The following TYW1B variants were observed in gnomAD, a reference collection of about 807,000 sequenced individuals.
TYW1B encodes S-adenosyl-L-methionine-dependent tRNA 4-demethylwyosine synthase TYW1B.
TYW1B carries 73 observed loss-of-function variants against 86.9 expected under a neutral mutation model. That is an observed-to-expected ratio of 0.84 (90% CI 0.70 to 1.02). The LOEUF (loss-of-function observed/expected upper bound fraction) is 1.02. Ranked by LOEUF, TYW1B falls within the 50% of genes least tolerant of loss-of-function variation. The probability of loss-of-function intolerance (pLI) is 0.00; values close to 1 mark genes in which losing one functional copy is unlikely to be tolerated. For synonymous variants in TYW1B, 248 were observed against 292.8 expected (o/e 0.85, Z 1.56); for missense variants, 637 against 827.4 (o/e 0.77, Z 2.82).
At chr7:72,813,178 T>G (rs1788655936) in intron 3 of TYW1B, among the ~76,000 whole-genome samples, 1 of 149,978 alleles carries the variant, frequency 6.7e-6, no homozygotes, top group African/African-American at 2.4e-5. Flanking sequence ...CTTCTTTTTT[T>G]TTTTTTTTTT....
intron 4 of TYW1B, among the ~76,000 whole-genome samples, chr7:72,808,698 TGTATTTTTA>T (rs1282198178): frequency 6.6e-6 from 1 of 151,934 alleles, no homozygotes; most frequent in Non-Finnish European, 1.5e-5. Context: ...CGGCTAATTT[TGTATTTTTA>T]GTACAGACAG....
At chr7:72,678,830 C>T (rs117829997) in intron 11 of TYW1B, among the ~76,000 whole-genome samples, 1 of 151,866 alleles carries the variant, frequency 6.6e-6, no homozygotes, top group Admixed American at 6.6e-5. Flanking sequence ...TATAAGCCAA[C>T]GTGCCCGGAC....
chr7:72,783,190 G>A (rs1554471911), intron 6 of TYW1B, among the ~76,000 whole-genome samples: 1 of 152,084 alleles, frequency 6.6e-6, no homozygotes, highest in Admixed American at 6.6e-5. Context: ...CTTGAGGTCA[G>A]GAGTTCGAGA....
intron 7 of TYW1B, among the ~76,000 whole-genome samples, chr7:72,762,360 T>C (rs1787699300): frequency 6.6e-6 from 1 of 152,186 alleles, no homozygotes; most frequent in African/African-American, 2.4e-5. Flanking sequence ...CATTGCCTTC[T>C]GTTCTTTCTC....
At chr7:72,660,945 T>C (rs1813313544) in intron 11 of TYW1B, among the ~76,000 whole-genome samples, 1 of 151,380 alleles carries the variant, frequency 6.6e-6, no homozygotes, top group African/African-American at 2.4e-5. Flanking sequence ...AAGACCAGCC[T>C]GGCCAACATG....
chr7:72,798,650 G>A, intron 6 of TYW1B, among the ~76,000 whole-genome samples: 1 of 152,072 alleles, frequency 6.6e-6, no homozygotes, highest in Non-Finnish European at 1.5e-5. Context: ...TGGGCCTGCT[G>A]GATCATGGAT....
At chr7:72,726,461 C>T (rs1480769462) in intron 9 of TYW1B, among the ~76,000 whole-genome samples, 1 of 151,320 alleles carries the variant, frequency 6.6e-6, no homozygotes, top group Non-Finnish European at 1.5e-5. Context: ...CTCCCGGGTT[C>T]AAGCGATTCT....
chr7:72,691,868 T>C (rs1477394082), intron 11 of TYW1B, among the ~76,000 whole-genome samples: 3 of 152,004 alleles, frequency 2.0e-5, no homozygotes, highest in Non-Finnish European at 4.4e-5. Context: ...GTAAAACACA[T>C]ATAGTACTTT....
chr7:72,705,587 A>T (rs187635710), intron 10 of TYW1B, among the ~76,000 whole-genome samples: 2 of 152,328 alleles, frequency 1.3e-5, no homozygotes, highest in East Asian at 3.9e-4. Context: ...TTCTAAATGT[A>T]AATTTTAAAA....
chr7:72,741,393 T>A (rs545918975), intron 8 of TYW1B, among the ~76,000 whole-genome samples: 2 of 151,956 alleles, frequency 1.3e-5, no homozygotes, highest in Non-Finnish European at 2.9e-5. Flanking sequence ...CTCAGTGAAG[T>A]GGAAGACAAA....
intron 13 of TYW1B, among the ~76,000 whole-genome samples, chr7:72,607,780 A>T (rs1375652166): frequency 1.3e-5 from 2 of 152,150 alleles, no homozygotes; most frequent in African/African-American, 4.8e-5. Context: ...ATGAGGCTGA[A>T]AAAAGTATCT....
chr7:72,779,027 C>T (rs1554471159), intron 6 of TYW1B, among the ~76,000 whole-genome samples: 1 of 151,980 alleles, frequency 6.6e-6, no homozygotes, highest in Admixed American at 6.6e-5. Context: ...AGACAACACA[C>T]GAGATCTGTG....
At chr7:72,628,173 C>T (rs1585859498) in intron 12 of TYW1B, among the ~76,000 whole-genome samples, 1 of 152,124 alleles carries the variant, frequency 6.6e-6, no homozygotes, top group Non-Finnish European at 1.5e-5. Flanking sequence ...GTCCCAGCTA[C>T]TCAGGAGGCT....
chr7:72,802,525 G>T lies in TYW1B; in HGVS notation c.724-3C>A, dbSNP rs1315128078. The T allele has an allele frequency of 1.2e-6, 2 of 1,613,498 alleles. No individual in the cohort carries two copies. The highest frequency in any genetic ancestry group is 2.2e-5 in the East Asian group (1 of 44,868). Reference sequence around the variant, plus strand: ...GAGCTCTCGAAGGGTTCTTCCTCCTGGAAGAGAAATGCTTCAGAAATACAT... The same window carrying T: ...GAGCTCTCGAAGGGTTCTTCCTCCTTGAAGAGAAATGCTTCAGAAATACAT... On this transcript the variant is annotated splice_polypyrimidine_tract_variant and splice_region_variant and intron_variant, in intron 5 of 13. Coordinates refer to ENST00000620995, the MANE Select transcript of TYW1B (RefSeq NM_001145440.3).
intron 11 of TYW1B, among the ~76,000 whole-genome samples, chr7:72,666,226 C>A (rs1554445226): frequency 2.0e-5 from 3 of 151,776 alleles, no homozygotes; most frequent in Non-Finnish European, 2.9e-5. Flanking sequence ...CCAGCCTGGG[C>A]AACATGGCAA....
chr7:72,675,908 T>C (rs1813724742), intron 11 of TYW1B, among the ~76,000 whole-genome samples: 1 of 152,162 alleles, frequency 6.6e-6, no homozygotes, highest in Non-Finnish European at 1.5e-5. Flanking sequence ...ACTGTAATAG[T>C]TTCATACGCT....
chr7:72,793,008 T>C (rs1389671760), intron 6 of TYW1B, among the ~76,000 whole-genome samples: 2 of 152,210 alleles, frequency 1.3e-5, no homozygotes, highest in Non-Finnish European at 2.9e-5. Flanking sequence ...AGAGGACTGC[T>C]GTCTGTGAAA....
At chr7:72,702,998 A>C (rs3015940) in intron 10 of TYW1B, among the ~76,000 whole-genome samples, 68,990 of 100,346 alleles carry the variant, frequency 0.69, 21,261 homozygotes, top group Non-Finnish European at 0.73. Flanking sequence ...ATATATATAT[A>C]TATATATATA....
At chr7:72,615,720 G>A (rs1273738744) in intron 13 of TYW1B, among the ~76,000 whole-genome samples, 17 of 151,984 alleles carry the variant, frequency 1.1e-4, no homozygotes, top group African/African-American at 4.1e-4. Flanking sequence ...AACTTCGGCA[G>A]GGAAATAGAA....
Sources: gnomAD v4.1 joint callset for allele counts (sites outside exome capture counted in the v4.1 genomes callset) on GRCh38, gnomAD v4.1.1 for gene constraint, MANE v1.5 for transcripts, NCBI Gene and HGNC (gene_info 2026-07-23, HGNC 2026-07-21) for gene names.